The following INPP4B variants were observed in gnomAD, a reference collection of about 807,000 sequenced individuals.
The protein encoded by INPP4B is inositol polyphosphate-4-phosphatase type II B.
INPP4B carries 55 observed loss-of-function variants against 122.5 expected under a neutral mutation model. The observed-to-expected ratio is 0.45, with a 90% CI of 0.36 to 0.56. The LOEUF (loss-of-function observed/expected upper bound fraction) is 0.56, where lower values mean the gene tolerates loss of function less well. INPP4B is among the 20% of genes least tolerant of loss of function. INPP4B has a pLI of 0.00. For synonymous variants in INPP4B, 403 were observed against 388.7 expected, an observed-to-expected ratio of 1.04 and a Z score of -0.43; for missense variants, 1,000 against 1,097.7, an observed-to-expected ratio of 0.91 and a Z score of 1.26.
intron 9 of INPP4B, among the ~76,000 whole-genome samples, chr4:142,304,866 C>T (rs889789804): frequency 5.9e-5 from 9 of 152,088 alleles, no homozygotes; most frequent in East Asian, 1.9e-4. Flanking sequence ...TTTTATTTAA[C>T]GCTCTTAGTA....
chr4:142,165,398 G>A (rs1266701910), intron 16 of INPP4B, among the ~76,000 whole-genome samples: 1 of 151,592 alleles, frequency 6.6e-6, no homozygotes, highest in Non-Finnish European at 1.5e-5. Flanking sequence ...ACATTCCATA[G>A]GGATACTTTC....
chr4:142,646,554 TTGA>T (rs1751827125), intron 2 of INPP4B, among the ~76,000 whole-genome samples: 1 of 152,192 alleles, frequency 6.6e-6, no homozygotes, highest in Admixed American at 6.6e-5. Flanking sequence ...GGACAGAATG[TTGA>T]CACTTTCAGA....
chr4:142,689,571 T>C (rs989000051), intron 2 of INPP4B, among the ~76,000 whole-genome samples: 1 of 152,154 alleles, frequency 6.6e-6, no homozygotes, highest in African/African-American at 2.4e-5. Context: ...CAAAACTCTT[T>C]GTTTAGGGGT....
intron 1 of INPP4B, among the ~76,000 whole-genome samples, chr4:142,744,321 C>A (rs780252473): frequency 6.6e-6 from 1 of 151,422 alleles, no homozygotes. Flanking sequence ...GGGACAATAT[C>A]CAACAACTAC....
chr4:142,343,800 A>C (rs1053852345), intron 7 of INPP4B, among the ~76,000 whole-genome samples: 1 of 152,092 alleles, frequency 6.6e-6, no homozygotes, highest in African/African-American at 2.4e-5. Flanking sequence ...GACCCTTTTT[A>C]GTTTCTAGTA....
At chr4:142,807,506 T>C (rs1436950251) in intron 1 of INPP4B, among the ~76,000 whole-genome samples, 1 of 152,210 alleles carries the variant, frequency 6.6e-6, no homozygotes, top group Non-Finnish European at 1.5e-5. Context: ...CTACATAGTT[T>C]AGACTTCATC....
chr4:142,423,272 T>A (rs574437093), intron 5 of INPP4B, among the ~76,000 whole-genome samples: 1 of 152,216 alleles, frequency 6.6e-6, no homozygotes, highest in Non-Finnish European at 1.5e-5. Flanking sequence ...GACCTGACAT[T>A]CAGGTTAATG....
intron 10 of INPP4B, among the ~76,000 whole-genome samples, chr4:142,261,916 A>C (rs1167834551): frequency 6.6e-6 from 1 of 152,148 alleles, no homozygotes; most frequent in Non-Finnish European, 1.5e-5. Context: ...GTCCTAGTTG[A>C]CTGAAAGAAT....
At chr4:142,081,155 A>G (rs1318591265) in intron 25 of INPP4B, among the ~76,000 whole-genome samples, 5 of 152,212 alleles carry the variant, frequency 3.3e-5, no homozygotes, top group Non-Finnish European at 5.9e-5. Flanking sequence ...AGACTGCAGC[A>G]GTTAAAAGAA....
At chr4:142,711,361 T>C (rs1580753065) in intron 2 of INPP4B, among the ~76,000 whole-genome samples, 1 of 152,196 alleles carries the variant, frequency 6.6e-6, no homozygotes, top group African/African-American at 2.4e-5. Context: ...ATTTGTTTAC[T>C]GCCTGTCTTC....
intron 1 of INPP4B, among the ~76,000 whole-genome samples, chr4:142,749,997 A>G (rs1005345819): frequency 1.6e-4 from 25 of 152,150 alleles, no homozygotes; most frequent in Non-Finnish European, 3.4e-4. Flanking sequence ...CCTCATGGCT[A>G]TGCATTTCAA....
At chr4:142,598,446 C>T (rs1739178195) in intron 2 of INPP4B, among the ~76,000 whole-genome samples, 2 of 152,170 alleles carry the variant, frequency 1.3e-5, no homozygotes, top group South Asian at 4.1e-4. Flanking sequence ...AGGACAGAAT[C>T]CAGCCTGGGA....
At chr4:142,056,268 A>G (rs1169901837) in intron 25 of INPP4B, among the ~76,000 whole-genome samples, 3 of 152,246 alleles carry the variant, frequency 2.0e-5, no homozygotes, top group African/African-American at 7.2e-5. Context: ...AAGACAGCAA[A>G]AACAAAAGAA....
intron 1 of INPP4B, among the ~76,000 whole-genome samples, chr4:142,763,292 A>G (rs1410648629): frequency 6.6e-6 from 1 of 152,236 alleles, no homozygotes; most frequent in Admixed American, 6.5e-5. Context: ...TAACTTGTTA[A>G]CACTAACAGA....
chr4:142,159,137 TAA>T, intron 17 of INPP4B, among the ~76,000 whole-genome samples: 1 of 152,056 alleles, frequency 6.6e-6, no homozygotes, highest in Admixed American at 6.6e-5. Context: ...TGGAGCATTG[TAA>T]CATGGTAAAT....
rs2152842986 is a variant in INPP4B, at chr4:142,145,849, G to T, written c.1711C>A (p.His571Asn). ...EPSLTDAIPS[H>N]PREDWYEQLY... Reference sequence around the variant, plus strand: ...AAAAATTATTTCTTACCTCTTGGGTGAGAGGGAATGGCATCTGTTAATGAA... The same window carrying T: ...AAAAATTATTTCTTACCTCTTGGGTTAGAGGGAATGGCATCTGTTAATGAA... Residue 571 changes from histidine (H) to asparagine (N), a missense_variant, in exon 18 of 26, where the codon CAC (histidine) becomes AAC (asparagine). His to Asn is a moderately conservative substitution (Grantham distance 68). Transcript: ENST00000262992. The T allele has an allele frequency of 6.2e-7, 1 of 1,613,410 alleles. No individual in the cohort carries two copies. Among genetic ancestry groups the T allele is most frequent in the East Asian group, 2.2e-5 (1 of 44,856 alleles).
At chr4:142,721,829 A>AG (rs1553997721) in intron 2 of INPP4B, among the ~76,000 whole-genome samples, 1 of 152,178 alleles carries the variant, frequency 6.6e-6, no homozygotes, top group Non-Finnish European at 1.5e-5. Context: ...TTAAAAAAAA[A>AG]GATGTCATAA....
At chr4:142,173,872 T>A in intron 15 of INPP4B, 63 bp from the exon 16 acceptor site, 7 of 1,281,812 alleles carry the variant, frequency 5.5e-6, no homozygotes, top group Non-Finnish European at 7.9e-6. Flanking sequence ...GCCCTTAATA[T>A]CAGATGGCAA....
At chr4:142,077,153 A>G (rs556942994) in intron 25 of INPP4B, among the ~76,000 whole-genome samples, 1 of 152,138 alleles carries the variant, frequency 6.6e-6, no homozygotes, top group East Asian at 1.9e-4. Flanking sequence ...GGGCCTTTTA[A>G]GTCTCTTATA....
Sources: allele counts gnomAD v4.1 joint callset (sites outside exome capture counted in the v4.1 genomes callset), GRCh38; gene constraint gnomAD v4.1.1; transcripts MANE v1.5; gene names NCBI Gene and HGNC (gene_info 2026-07-23, HGNC 2026-07-21).